The following LARGE1 variants were observed in gnomAD, a reference collection of about 807,000 sequenced individuals.
LARGE1 encodes the protein LARGE xylosyl- and glucuronyltransferase 1, also known as xylosyl- and glucuronyltransferase LARGE1.
A neutral mutation model predicts 87.6 loss-of-function variants in LARGE1; 43 were observed. The ratio of observed to expected loss-of-function variants is 0.49; its 90% CI spans 0.38 to 0.63. The LOEUF is 0.63. Among genes scored for constraint, LARGE1 ranks in the 30% least tolerant of loss-of-function variants. The probability of loss-of-function intolerance (pLI) is 0.00; values close to 1 mark genes in which losing one functional copy is unlikely to be tolerated. For synonymous variants in LARGE1, 434 were observed against 394.6 expected (o/e 1.10, Z -1.18); for missense variants, 802 against 1,000.2 (o/e 0.80, Z 2.67).
At chr22:33,762,736 G>A (rs1347246714) in intron 1 of LARGE1, among the ~76,000 whole-genome samples, 1 of 152,162 alleles carries the variant, frequency 6.6e-6, no homozygotes, top group Non-Finnish European at 1.5e-5. Context: ...CAAAGTGGAT[G>A]GCCCATGATC....
intron 1 of LARGE1, among the ~76,000 whole-genome samples, chr22:33,777,308 C>A (rs1031335463): frequency 6.6e-6 from 1 of 151,938 alleles, no homozygotes; most frequent in Admixed American, 6.6e-5. Flanking sequence ...GGGAGCCACT[C>A]GAGATTTCCG....
chr22:33,444,291 A>C (rs1335542410), intron 6 of LARGE1, among the ~76,000 whole-genome samples: 1 of 152,244 alleles, frequency 6.6e-6, no homozygotes, highest in African/African-American at 2.4e-5. Flanking sequence ...ATGAATTGTT[A>C]AATTGTAAAA....
intron 1 of LARGE1, among the ~76,000 whole-genome samples, chr22:33,879,150 TTAG>T (rs1438615202): frequency 1.3e-5 from 2 of 152,160 alleles, no homozygotes; most frequent in Non-Finnish European, 2.9e-5. Flanking sequence ...TTTTGTATTT[TTAG>T]TAGAGACAGG....
At position 33,620,406 on chromosome 22, in the gene LARGE1, G is replaced by C. The variant is rs145698014; in HGVS notation, c.491+5838C>G. ...CCTTGAAGAGCAGCAATATTTCCCC[G>C]TTTATCTGCAACTGGGATTGGAGTC... On this transcript the variant is annotated intron_variant, in intron 4 of 14. Transcript: ENST00000397394. Among the ~76,000 whole-genome samples, 18 of 152,156 alleles carry C rather than the reference G, an allele frequency of 1.2e-4. No individual in the cohort carries two copies. In the East Asian group the frequency reaches 3.1e-3, roughly 26 times the overall value.
chr22:33,422,069 C>T (rs2066713482), intron 7 of LARGE1, among the ~76,000 whole-genome samples: 1 of 152,344 alleles, frequency 6.6e-6, no homozygotes, highest in East Asian at 1.9e-4. Flanking sequence ...TTGCTGCCAA[C>T]CCCAGGAAGG....
At chr22:33,448,901 T>C (rs1194143599) in intron 6 of LARGE1, among the ~76,000 whole-genome samples, 1 of 152,186 alleles carries the variant, frequency 6.6e-6, no homozygotes, top group Non-Finnish European at 1.5e-5. Context: ...TTTGGGTCCA[T>C]CCACTTCCCC....
At chr22:33,790,311 TTTATAAATTACCCACTGTCCA>T (rs2085782605) in intron 1 of LARGE1, among the ~76,000 whole-genome samples, 1 of 152,192 alleles carries the variant, frequency 6.6e-6, no homozygotes, top group Non-Finnish European at 1.5e-5. Context: ...ACCTTTTTCC[TTTATAAATTACCCACTGTCCA>T]GTATGTCTTT....
intron 12 of LARGE1, among the ~76,000 whole-genome samples, chr22:33,303,507 G>A (rs1411541616): frequency 6.6e-6 from 1 of 152,178 alleles, no homozygotes; most frequent in Non-Finnish European, 1.5e-5. Flanking sequence ...ACTTCCATAA[G>A]CACTAGGCAT....
intron 6 of LARGE1, among the ~76,000 whole-genome samples, chr22:33,524,393 C>T (rs181168167): frequency 1.3e-5 from 2 of 152,242 alleles, no homozygotes; most frequent in South Asian, 2.1e-4. Flanking sequence ...CCTTTCTAAT[C>T]TATTTTCTAA....
At chr22:33,541,917 C>A (rs370568967) in intron 6 of LARGE1, among the ~76,000 whole-genome samples, 1 of 151,988 alleles carries the variant, frequency 6.6e-6, no homozygotes, top group African/African-American at 2.4e-5. Flanking sequence ...AATCCCAGCA[C>A]TTTGGAAGGC....
chr22:33,575,279 C>T (rs555968695), intron 5 of LARGE1, among the ~76,000 whole-genome samples: 3 of 152,276 alleles, frequency 2.0e-5, no homozygotes, highest in South Asian at 2.1e-4. Context: ...AGCTTAAGTG[C>T]CCCACCTGAA....
intron 11 of LARGE1, among the ~76,000 whole-genome samples, chr22:33,186,877 A>G (rs1346006302): frequency 6.6e-6 from 1 of 152,204 alleles, no homozygotes; most frequent in Non-Finnish European, 1.5e-5. Flanking sequence ...CATAATATAG[A>G]GATGAAATAT....
At chr22:33,897,209 T>A (rs2065168499) in intron 1 of LARGE1, among the ~76,000 whole-genome samples, 1 of 152,128 alleles carries the variant, frequency 6.6e-6, no homozygotes, top group African/African-American at 2.4e-5. Flanking sequence ...CACACACCCT[T>A]CTTTGCAAAG....
chr22:33,305,749 G>T (rs1420008746), intron 11 of LARGE1: 1 of 185,052 alleles, frequency 5.4e-6, no homozygotes, highest in African/African-American at 2.4e-5. Context: ...TCAATAGGGA[G>T]GATTAAGATA....
intron 6 of LARGE1, among the ~76,000 whole-genome samples, chr22:33,499,485 A>G (rs994034591): frequency 6.6e-6 from 1 of 152,196 alleles, no homozygotes; most frequent in Admixed American, 6.5e-5. Context: ...GAAAAGTGGA[A>G]GCCTGCAGCC....
the LARGE1 span, among the ~76,000 whole-genome samples, chr22:33,104,818 T>G: frequency 1.3e-5 from 2 of 152,240 alleles, no homozygotes; most frequent in Non-Finnish European, 2.9e-5. Flanking sequence ...GTTCCCAGTC[T>G]CAAAAAGGTG....
intron 9 of LARGE1, among the ~76,000 whole-genome samples, chr22:33,368,909 G>A (rs1407348149): frequency 1.3e-5 from 2 of 152,182 alleles, no homozygotes; most frequent in Non-Finnish European, 2.9e-5. Context: ...CCTTCAGTGA[G>A]TCACAATCCT....
the LARGE1 span, among the ~76,000 whole-genome samples, chr22:33,136,599 G>A: frequency 1.3e-5 from 2 of 151,860 alleles, no homozygotes; most frequent in African/African-American, 4.9e-5. Context: ...TGATAGTGTT[G>A]AATTGACACC....
intron 11 of LARGE1, among the ~76,000 whole-genome samples, chr22:33,255,564 A>G (rs1371288040): frequency 6.6e-6 from 1 of 152,226 alleles, no homozygotes; most frequent in African/African-American, 2.4e-5. Flanking sequence ...AAAGCCATTC[A>G]ATATTCTCGT....
Sources: gnomAD v4.1 joint callset for allele counts (sites outside exome capture counted in the v4.1 genomes callset) on GRCh38, gnomAD v4.1.1 for gene constraint, MANE v1.5 for transcripts, NCBI Gene and HGNC (gene_info 2026-07-23, HGNC 2026-07-21) for gene names.